ARHGEF25: variants seen among roughly 807,000 people sequenced by gnomAD.
ARHGEF25 encodes Rho guanine nucleotide exchange factor 25.
A neutral mutation model predicts 74.0 loss-of-function variants in ARHGEF25; 42 were observed. That is an observed-to-expected ratio of 0.57 (90% CI 0.44 to 0.73). ARHGEF25 has a LOEUF of 0.73. Among genes scored for constraint, ARHGEF25 ranks in the 30% least tolerant of loss-of-function variants. The pLI is 0.00. For synonymous variants in ARHGEF25, 293 were observed against 278.6 expected, an observed-to-expected ratio of 1.05 and a Z score of -0.51; for missense variants, 645 against 725.5, an observed-to-expected ratio of 0.89 and a Z score of 1.27.
Position 57,615,981 on chromosome 12 carries a change from G to A in ARHGEF25, c.1384G>A (p.Ala462Thr). The change falls in exon 13 of 15, where the codon GCT (alanine) becomes ACT (threonine). Residue 462 changes from alanine (A) to threonine (T), a missense_variant. By Grantham distance (58) the Ala-to-Thr change is moderately conservative. This residue lies in a region of ARHGEF25 where 262 missense variants were observed against 256.9 expected (regional missense o/e 1.02). Coordinates refer to ENST00000286494, the MANE Select transcript of ARHGEF25 (RefSeq NM_182947.4). ...AISQAWIKHV[A>T]QILESQRDFL... Reference sequence around the variant, plus strand: ...CAGTCAGGCCTGGATCAAGCATGTGGCTCAGATCTTGGAGAGCCAACGGGA... The same window carrying A: ...CAGTCAGGCCTGGATCAAGCATGTGACTCAGATCTTGGAGAGCCAACGGGA... 1.2e-6 allele frequency: 2 copies of A among 1,613,714 alleles called. No homozygotes were observed. Among genetic ancestry groups the A allele is most frequent in the Non-Finnish European group, 1.7e-6 (2 of 1,179,788 alleles).
chr12:57,614,501 CA>C lies in ARHGEF25; in HGVS notation c.727-14del. ...CTTGCCCACCCTGCTCTCTCTTAAA[CA>C]TTACCCCTGTTAGGAGCGCCGGCTG... On this transcript the variant is annotated splice_polypyrimidine_tract_variant and intron_variant, in intron 7 of 14. Coordinates refer to ENST00000286494, the MANE Select transcript of ARHGEF25 (RefSeq NM_182947.4). The surrounding 1 kb of genome is among the most constrained non-coding windows in gnomAD (Gnocchi z 4.6). 1 of 1,614,112 alleles carries C rather than the reference CA, an allele frequency of 6.2e-7. No homozygotes were observed.
At position 57,611,878 on chromosome 12, in the gene ARHGEF25, G is replaced by C; in HGVS notation, c.-17G>C. On this transcript the variant is annotated 5_prime_UTR_variant, in exon 1 of 15. Coordinates refer to ENST00000286494, the MANE Select transcript of ARHGEF25 (RefSeq NM_182947.4). This position sits in a 1 kb window ranked among gnomAD's most constrained non-coding sequence, Gnocchi z 4.5. ...CATGGCCGGCCCGGGTGGGGGGCGCGGGGGGGCCCGGGCGCCATGCGGGGG... is the reference window on the plus strand; with the variant it reads ...CATGGCCGGCCCGGGTGGGGGGCGCCGGGGGGCCCGGGCGCCATGCGGGGG... 8.3e-7 allele frequency: 1 copy of C among 1,205,850 alleles called. No individual in the cohort carries two copies. The allele number at this position is 1,205,850 out of a possible 1,614,324, so 74.7% of individuals were successfully genotyped here.
rs540105391 is a variant in ARHGEF25, at chr12:57,617,012, A to C, written c.*118A>C. The C allele has an allele frequency of 4.6e-5, 37 of 797,084 alleles. No individual in the cohort carries two copies. The East Asian group carries it at 9.4e-4, about 20-fold the overall frequency. The allele number at this position is 797,084 out of a possible 1,614,324, so 49.4% of individuals were successfully genotyped here. On this transcript the variant is annotated 3_prime_UTR_variant, in exon 15 of 15. Coordinates refer to ENST00000286494, the MANE Select transcript of ARHGEF25 (RefSeq NM_182947.4). ...TTCTTGGTGTGTCTGGAGGGTGGGCAAGGCTGGGAGGGATATCAACTTGGA... is the reference window on the plus strand; with the variant it reads ...TTCTTGGTGTGTCTGGAGGGTGGGCCAGGCTGGGAGGGATATCAACTTGGA...
At position 57,612,113 on chromosome 12, in the gene ARHGEF25, G is replaced by T. The variant is rs545227679; in HGVS notation, c.97+122G>T. 76 of 763,884 alleles carry T rather than the reference G, an allele frequency of 9.9e-5. No individual in the cohort carries two copies. In the African/African-American group the frequency reaches 1.2e-3, roughly 12 times the overall value. The allele number at this position is 763,884 out of a possible 1,614,324, so 47.3% of individuals were successfully genotyped here. ...ACTGTATGTGTTTTCCAGGAAAGTG[G>T]TTTCTTAAGTGATCCCTAAGGTCCC... On this transcript the variant is annotated intron_variant, in intron 1 of 14. Transcript: ENST00000286494.
In ARHGEF25 at chr12:57,611,742, A is replaced by T; in HGVS notation, c.-153A>T. The T allele has an allele frequency of 8.4e-7, 1 of 1,185,144 alleles. No individual in the cohort carries two copies. The highest frequency in any genetic ancestry group is 1.0e-6 in the Non-Finnish European group (1 of 959,182). The allele number at this position is 1,185,144 out of a possible 1,614,324, so 73.4% of individuals were successfully genotyped here. A position where few individuals can be genotyped will look rare whatever the true frequency, so the allele number is the denominator to read the frequency against. ...ACTAGACTTCCGCCTACCCCTGGAC[A>T]CCTCCTCCCGGTCCCCTCCCTCCCC... is the stretch of plus-strand genomic sequence containing the variant. On this transcript the variant is annotated 5_prime_UTR_variant, in exon 1 of 15. Transcript: ENST00000286494. This position sits in a 1 kb window ranked among gnomAD's most constrained non-coding sequence, Gnocchi z 4.5.
intron 10 of ARHGEF25, 50 bp downstream of exon 10, chr12:57,615,067 A>C: frequency 6.2e-7 from 1 of 1,607,034 alleles, no homozygotes; most frequent in Non-Finnish European, 8.5e-7. Flanking sequence ...TTATCCTCCT[A>C]GTATCTCATG....
chr12:57,612,016 A>C (rs904910579), intron 1 of ARHGEF25, 25 bp downstream of exon 1: 3 of 1,078,528 alleles, frequency 2.8e-6, no homozygotes, highest in African/African-American at 3.3e-5. Context: ...GAGAGGGTCC[A>C]GTGTTGAGTG....
At chr12:57,611,408 C>T, upstream of ARHGEF25, 1 of 984,434 alleles carries the variant, frequency 1.0e-6, no homozygotes, top group Non-Finnish European at 1.2e-6. This position sits in a 1 kb window ranked among gnomAD's most constrained non-coding sequence, Gnocchi z 4.5. Flanking sequence ...GGCCCCGCCT[C>T]GTGGCGGCCC....
rs762421912 is a variant in ARHGEF25, at chr12:57,616,891, G to C, written c.1740G>C (p.Leu580=). Residue 580 remains leucine, a synonymous_variant, in exon 15 of 15, where the codon CTG becomes CTC. Coordinates refer to ENST00000286494, the MANE Select transcript of ARHGEF25 (RefSeq NM_182947.4). ...TTGCCAAGCTGGATGAAGATGAGCT[G>C]TAACTGGTGAAAACCATGGGGGTGG... is the stretch of plus-strand genomic sequence containing the variant. The part of the protein sequence containing the change: ...ARLAKLDEDE[L] The C allele has an allele frequency of 3.5e-5, 56 of 1,613,036 alleles. No individual in the cohort carries two copies. Among genetic ancestry groups the C allele is most frequent in the Middle Eastern group, 1.6e-4 (1 of 6,082 alleles).
At chr12:57,613,395 C>T in intron 3 of ARHGEF25, 36 bp downstream of exon 3, 1 of 1,614,144 alleles carries the variant, frequency 6.2e-7, no homozygotes, top group South Asian at 1.1e-5. Context: ...TCCTTTCACT[C>T]AAGGGGCATT....
In ARHGEF25 at chr12:57,614,342, A is replaced by G. The variant is rs1356502299; in HGVS notation, c.668A>G (p.Gln223Arg). ...IYEWHRDYFL[Q>R]ELQRCLKDPD... ...ACCAACCCCTCCAGCTATTTCTTGCAAGAGCTACAACGGTGTCTGAAAGAT... is the reference window on the plus strand; with the variant it reads ...ACCAACCCCTCCAGCTATTTCTTGCGAGAGCTACAACGGTGTCTGAAAGAT... The change falls in exon 7 of 15, where the codon CAA becomes CGA. Residue 223 changes from glutamine (Q) to arginine (R), a missense_variant. Physicochemically the swap from Gln to Arg is conservative, Grantham distance 43. Around this residue, in one of 3 missense-constraint regions of ARHGEF25, gnomAD observed 194 missense variants for 269.4 expected, o/e 0.72. Transcript: ENST00000286494. This position sits in a 1 kb window ranked among gnomAD's most constrained non-coding sequence, Gnocchi z 4.6. 5.6e-6 allele frequency: 9 copies of G among 1,614,130 alleles called. No individual in the cohort carries two copies. Among genetic ancestry groups the G allele is most frequent in the South Asian group, 1.1e-5 (1 of 91,084 alleles).
Position 57,616,003 on chromosome 12 carries a change from G to A in ARHGEF25, c.1406G>A (p.Arg469Gln), listed in dbSNP as rs753921549. 2.5e-5 allele frequency: 40 copies of A among 1,612,246 alleles called. No homozygotes were observed. In the South Asian group the frequency reaches 3.1e-4, roughly 12 times the overall value. ...KHVAQILESQ[R>Q]DFLNALQSPI... ...GTGGCTCAGATCTTGGAGAGCCAAC[G>A]GGACTTCCTCAACGGTGAAGCTCTC... The change falls in exon 13 of 15, where the codon CGG becomes CAG. Residue 469 changes from arginine to glutamine, a missense_variant. Coordinates refer to ENST00000286494, the MANE Select transcript of ARHGEF25 (RefSeq NM_182947.4).
Position 57,614,897 on chromosome 12 carries a change from C to G in ARHGEF25, c.910-70C>G. 1.3e-6 allele frequency: 2 copies of G among 1,590,706 alleles called. No homozygotes were observed. Among genetic ancestry groups the G allele is most frequent in the Middle Eastern group, 1.7e-4 (1 of 5,830 alleles). ...TCCTGAGGGCCCTCACTGGTGTCCT[C>G]AGGGGAGGATGTGAGAGCTTCTAAG... is the stretch of plus-strand genomic sequence containing the variant. On this transcript the variant is annotated intron_variant, in intron 9 of 14. Transcript: ENST00000286494. This position sits in a 1 kb window ranked among gnomAD's most constrained non-coding sequence, Gnocchi z 4.6.
chr12:57,613,934 C>G, intron 5 of ARHGEF25, 82 bp from the exon 6 acceptor site: 1 of 1,511,288 alleles, frequency 6.6e-7, no homozygotes, highest in South Asian at 1.1e-5. Flanking sequence ...GTGGAACACA[C>G]CCTGGATTTG....
At position 57,611,778 on chromosome 12, in the gene ARHGEF25, G is replaced by A; in HGVS notation, c.-117G>A. Reference sequence around the variant, plus strand: ...GTCCCCTCCCTCCCCCCCTCCCACAGCCTGGACCGGGGTAGGAGGGAGGGG... The same window carrying A: ...GTCCCCTCCCTCCCCCCCTCCCACAACCTGGACCGGGGTAGGAGGGAGGGG... On this transcript the variant is annotated 5_prime_UTR_variant, in exon 1 of 15. Coordinates refer to ENST00000286494, the MANE Select transcript of ARHGEF25 (RefSeq NM_182947.4). The surrounding 1 kb of genome is among the most constrained non-coding windows in gnomAD (Gnocchi z 4.5). 1 of 1,134,960 alleles carries A rather than the reference G, an allele frequency of 8.8e-7. No homozygotes were observed. 70.3% of individuals were successfully genotyped at this position (1,134,960 alleles called of 1,614,324 possible). A position where few individuals can be genotyped will look rare whatever the true frequency, so the allele number is the denominator to read the frequency against.
At chr12:57,612,021 T>C in intron 1 of ARHGEF25, 30 bp downstream of exon 1, 1 of 986,398 alleles carries the variant, frequency 1.0e-6, no homozygotes, top group Non-Finnish European at 1.3e-6. Flanking sequence ...GGTCCAGTGT[T>C]GAGTGGGGGG....
At position 57,615,294 on chromosome 12, in the gene ARHGEF25, G is replaced by A. The variant is rs1291616071; in HGVS notation, c.1018G>A (p.Gly340Arg). The stretch of plus-strand genomic sequence containing the variant: ...GCGCTGCAACGATATGATGACGCTG[G>A]GGAGATTGCGGGGATTTGAGGTACG... ...PKRCNDMMTL[G>R]RLRGFEGKLT... is the part of the protein sequence containing the mutation. The change falls in exon 11 of 15, where the codon GGG becomes AGG. Residue 340 changes from glycine to arginine, a missense_variant. Gly to Arg is a moderately radical substitution (Grantham distance 125, BLOSUM62 -2). Transcript: ENST00000286494. 6.2e-7 allele frequency: 1 copy of A among 1,609,096 alleles called. No homozygotes were observed.
rs896723775 is a variant in ARHGEF25, at chr12:57,614,502, A to G, written c.727-14A>G. On this transcript the variant is annotated splice_polypyrimidine_tract_variant and intron_variant, in intron 7 of 14. Transcript: ENST00000286494. The surrounding 1 kb of genome is among the most constrained non-coding windows in gnomAD (Gnocchi z 4.6). ...TTGCCCACCCTGCTCTCTCTTAAAC[A>G]TTACCCCTGTTAGGAGCGCCGGCTG... is the stretch of plus-strand genomic sequence containing the variant. The G allele has an allele frequency of 1.2e-6, 2 of 1,613,850 alleles. No individual in the cohort carries two copies. The highest frequency in any genetic ancestry group is 1.7e-6 in the Non-Finnish European group (2 of 1,180,014).
At chr12:57,612,448 T>C (rs1884094205) in intron 1 of ARHGEF25, 1 of 165,340 alleles carries the variant, frequency 6.0e-6, no homozygotes, top group Non-Finnish European at 1.3e-5. Flanking sequence ...GGTCTACGCA[T>C]GTGTTGGGGA....
Sources: gnomAD v4.1 joint callset for allele counts on GRCh38, gnomAD v4.1.1 for gene constraint, gnomAD v4.1.1 regional missense constraint, Gnocchi (gnomAD v3.1) non-coding constraint, MANE v1.5 for transcripts, NCBI Gene and HGNC (gene_info 2026-07-23, HGNC 2026-07-21) for gene names.